The following TMTC2 variants were observed in gnomAD, a reference collection of about 807,000 sequenced individuals.
TMTC2 encodes the protein transmembrane O-mannosyltransferase targeting cadherins 2.
TMTC2 carries 43 observed loss-of-function variants against 82.4 expected under a neutral mutation model. That is an observed-to-expected ratio of 0.52 (90% CI 0.41 to 0.67). The LOEUF is 0.67. Among genes scored for constraint, TMTC2 ranks in the 30% least tolerant of loss-of-function variants. The pLI is 0.00. For missense variants in TMTC2, 919 were observed against 1,012.4 expected, an observed-to-expected ratio of 0.91 and a Z score of 1.25; for synonymous variants, 408 against 381.9, an observed-to-expected ratio of 1.07 and a Z score of -0.80.
intron 1 of TMTC2, among the ~76,000 whole-genome samples, chr12:82,767,915 G>A (rs1194236109): frequency 1.3e-5 from 2 of 152,156 alleles, no homozygotes; most frequent in African/African-American, 4.8e-5. Flanking sequence ...ATTCTATTCT[G>A]TGGTGTCTCT....
At chr12:82,926,114 G>C (rs1188014006) in intron 3 of TMTC2, among the ~76,000 whole-genome samples, 1 of 151,804 alleles carries the variant, frequency 6.6e-6, no homozygotes, top group African/African-American at 2.4e-5. Context: ...CCAAGTAGCT[G>C]GGACTACAGG....
intron 1 of TMTC2, among the ~76,000 whole-genome samples, chr12:82,832,458 C>G (rs1285992373): frequency 6.6e-6 from 1 of 151,824 alleles, no homozygotes; most frequent in African/African-American, 2.4e-5. Flanking sequence ...CTATTGTACA[C>G]TGTTTCATCA....
intron 3 of TMTC2, among the ~76,000 whole-genome samples, chr12:82,923,591 T>G (rs2137231955): frequency 6.6e-6 from 1 of 152,328 alleles, no homozygotes; most frequent in East Asian, 1.9e-4. Context: ...CTACATATTC[T>G]TCTGTTAGCT....
At chr12:83,114,318 G>A (rs967098326) in intron 11 of TMTC2, among the ~76,000 whole-genome samples, 1 of 152,010 alleles carries the variant, frequency 6.6e-6, no homozygotes, top group Admixed American at 6.6e-5. Context: ...ACACACCAAG[G>A]AAGGCCATGC....
At chr12:83,083,525 C>T (rs1335934151) in intron 11 of TMTC2, among the ~76,000 whole-genome samples, 3 of 152,148 alleles carry the variant, frequency 2.0e-5, no homozygotes, top group Non-Finnish European at 4.4e-5. Flanking sequence ...TCTGCCTCCC[C>T]TCTCTAGAAC....
chr12:82,826,276 GGGCAGTTACCATATAGA>G (rs1174717327), intron 1 of TMTC2, among the ~76,000 whole-genome samples: 3 of 152,076 alleles, frequency 2.0e-5, no homozygotes, highest in Non-Finnish European at 4.4e-5. Flanking sequence ...TAGATTAAAA[GGGCAGTTACCATATAGA>G]GGGGTATGTG....
intron 8 of TMTC2, among the ~76,000 whole-genome samples, chr12:83,014,532 G>A (rs905827724): frequency 6.6e-6 from 1 of 152,106 alleles, no homozygotes; most frequent in Non-Finnish European, 1.5e-5. Flanking sequence ...TAGAGACAGG[G>A]TTTCACATGT....
intron 3 of TMTC2, among the ~76,000 whole-genome samples, chr12:82,904,974 T>C (rs932718617): frequency 1.3e-5 from 2 of 149,684 alleles, no homozygotes. Flanking sequence ...TCTTCAAGTT[T>C]TTTGTTTCTT....
At chr12:82,937,787 TATATATATACAC>T (rs1362560286) in intron 4 of TMTC2, among the ~76,000 whole-genome samples, 268 of 23,878 alleles carry the variant, frequency 0.011, 2 homozygotes, top group African/African-American at 0.032. Flanking sequence ...TATATATATA[TATATATATACAC>T]ACATATATAT....
At chr12:82,891,389 A>T (rs1259416129) in intron 2 of TMTC2, among the ~76,000 whole-genome samples, 1 of 152,016 alleles carries the variant, frequency 6.6e-6, no homozygotes, top group African/African-American at 2.4e-5. Context: ...GCTCACTGCA[A>T]CCTCCGCCTC....
chr12:82,859,968 T>TTTGTTG (rs915306015), intron 2 of TMTC2, among the ~76,000 whole-genome samples: 1 of 152,036 alleles, frequency 6.6e-6, no homozygotes, highest in South Asian at 2.1e-4. Flanking sequence ...TTTATAGATT[T>TTTGTTG]TTGTTGTTGT....
intron 8 of TMTC2, among the ~76,000 whole-genome samples, chr12:83,023,309 G>A (rs1881020959): frequency 6.6e-6 from 1 of 152,104 alleles, no homozygotes; most frequent in Admixed American, 6.5e-5. Flanking sequence ...ATTATTTTTT[G>A]GTATTTGCAA....
intron 2 of TMTC2, among the ~76,000 whole-genome samples, chr12:82,887,822 G>T (rs1873179527): frequency 6.6e-6 from 1 of 152,172 alleles, no homozygotes; most frequent in Admixed American, 6.5e-5. Context: ...GCTCATGCCT[G>T]TAGTCCCAGC....
chr12:82,897,054 G>A (rs992324782), intron 3 of TMTC2, among the ~76,000 whole-genome samples: 1 of 152,076 alleles, frequency 6.6e-6, no homozygotes, highest in Non-Finnish European at 1.5e-5. Context: ...TCCAAGCATC[G>A]CCTGAGGAAA....
At position 82,700,893 on chromosome 12, in the gene TMTC2, G is replaced by A. The variant is rs536264555; in HGVS notation, c.83+13224G>A. ...GGGAGGCCTCACAATCATGGCAGAA[G>A]GTGAAGGAGGAGCAAAGGCACGGCT... is the stretch of plus-strand genomic sequence containing the variant. On this transcript the variant is annotated intron_variant, in intron 1 of 11. Coordinates refer to ENST00000321196, the MANE Select transcript of TMTC2 (RefSeq NM_152588.3). Among the ~76,000 whole-genome samples the A allele has an allele frequency of 3.9e-5, 6 of 152,296 alleles. No individual in the cohort carries two copies. In the South Asian group the frequency reaches 1.2e-3, roughly 32 times the overall value.
chr12:83,015,244 G>A (rs946137924), intron 8 of TMTC2, among the ~76,000 whole-genome samples: 5 of 152,164 alleles, frequency 3.3e-5, no homozygotes, highest in Admixed American at 6.5e-5. Context: ...ATACCATTTT[G>A]AGAAGCTGAG....
At chr12:82,711,083 T>G (rs1244514163) in intron 1 of TMTC2, among the ~76,000 whole-genome samples, 1 of 152,178 alleles carries the variant, frequency 6.6e-6, no homozygotes, top group Non-Finnish European at 1.5e-5. Context: ...GTAAGACAAA[T>G]GGATATTTAT....
At chr12:83,092,568 T>C (rs1383234195) in intron 11 of TMTC2, among the ~76,000 whole-genome samples, 1 of 152,222 alleles carries the variant, frequency 6.6e-6, no homozygotes, top group East Asian at 1.9e-4. Flanking sequence ...CAGATTGTAT[T>C]GGGGAACCAA....
chr12:82,785,060 GT>G (rs1376048765), intron 1 of TMTC2, among the ~76,000 whole-genome samples: 6 of 152,016 alleles, frequency 3.9e-5, no homozygotes, highest in Non-Finnish European at 7.4e-5. Flanking sequence ...TTTCTTAATA[GT>G]TTTTGCTTCT....
Sources: allele counts gnomAD v4.1 joint callset (sites outside exome capture counted in the v4.1 genomes callset), GRCh38; gene constraint gnomAD v4.1.1; transcripts MANE v1.5; gene names NCBI Gene and HGNC (gene_info 2026-07-23, HGNC 2026-07-21).